CLVS2: variants seen among roughly 807,000 people sequenced by gnomAD.
CLVS2 encodes clavesin 2.
CLVS2 carries 19 observed loss-of-function variants against 29.0 expected under a neutral mutation model. The ratio of observed to expected loss-of-function variants is 0.66; its 90% CI spans 0.46 to 0.96. The LOEUF (loss-of-function observed/expected upper bound fraction) is 0.96, where lower values mean the gene tolerates loss of function less well. Ranked by LOEUF, CLVS2 falls within the 40% of genes least tolerant of loss-of-function variation. The pLI, the probability that CLVS2 is intolerant of heterozygous loss-of-function variation, is 0.00. For synonymous variants in CLVS2, 161 were observed against 151.3 expected (o/e 1.06, Z -0.47); for missense variants, 294 against 404.1 (o/e 0.73, Z 2.34).
chr6:123,057,009 G>C (rs993117175), intron 5 of CLVS2, among the ~76,000 whole-genome samples: 7 of 152,196 alleles, frequency 4.6e-5, no homozygotes, highest in African/African-American at 1.7e-4. Context: ...GGAGTTGTCA[G>C]ACATTGCACA....
intron 4 of CLVS2, among the ~76,000 whole-genome samples, chr6:123,052,901 C>T (rs1772634075): frequency 6.7e-6 from 1 of 149,468 alleles, no homozygotes; most frequent in South Asian, 2.2e-4. Flanking sequence ...GAAAAAGGGG[C>T]CTGGATTCAA....
intron 5 of CLVS2, among the ~76,000 whole-genome samples, chr6:123,057,333 T>G (rs1424679383): frequency 9.6e-6 from 1 of 104,320 alleles, no homozygotes; most frequent in Non-Finnish European, 1.9e-5. Flanking sequence ...AGGATGGTCT[T>G]CTTTTTTTTT....
At chr6:123,019,275 C>T (rs887913942) in intron 3 of CLVS2, among the ~76,000 whole-genome samples, 1 of 152,068 alleles carries the variant, frequency 6.6e-6, no homozygotes, top group Non-Finnish European at 1.5e-5. Context: ...CTCTCTTTCA[C>T]AATGATGACC....
At chr6:123,017,655 T>C (rs1774857077) in intron 3 of CLVS2, among the ~76,000 whole-genome samples, 1 of 152,106 alleles carries the variant, frequency 6.6e-6, no homozygotes, top group African/African-American at 2.4e-5. Context: ...TTCTCAGAAG[T>C]AGGACGTTGT....
At chr6:123,025,572 G>A (rs1036303664) in intron 3 of CLVS2, among the ~76,000 whole-genome samples, 2 of 152,102 alleles carry the variant, frequency 1.3e-5, no homozygotes, top group Non-Finnish European at 2.9e-5. Context: ...TTAGGACCAA[G>A]GCAGTTATAC....
intron 4 of CLVS2, among the ~76,000 whole-genome samples, chr6:123,053,490 G>A (rs375300085): frequency 3.3e-5 from 5 of 152,122 alleles, no homozygotes; most frequent in African/African-American, 7.2e-5. Flanking sequence ...CCATTGCTAC[G>A]GAGGGTTAAA....
intron 3 of CLVS2, among the ~76,000 whole-genome samples, chr6:123,040,196 C>T (rs748448662): frequency 1.3e-5 from 2 of 152,166 alleles, no homozygotes; most frequent in Admixed American, 6.5e-5. Flanking sequence ...TTTGAGATAG[C>T]CTAATCATGT....
chr6:123,036,441 C>T (rs776239416), intron 3 of CLVS2, among the ~76,000 whole-genome samples: 1 of 152,100 alleles, frequency 6.6e-6, no homozygotes, highest in South Asian at 2.1e-4. Flanking sequence ...TCAGTAAAAT[C>T]TTTGAAGCAT....
At chr6:123,035,320 A>C (rs1039090200) in intron 3 of CLVS2, among the ~76,000 whole-genome samples, 3 of 152,050 alleles carry the variant, frequency 2.0e-5, no homozygotes, top group African/African-American at 7.2e-5. Context: ...TTGGGTACAC[A>C]CATACATACC....
At chr6:123,003,870 T>C (rs985328429) in intron 2 of CLVS2, among the ~76,000 whole-genome samples, 1 of 152,232 alleles carries the variant, frequency 6.6e-6, no homozygotes, top group African/African-American at 2.4e-5. Flanking sequence ...TTATTCATTA[T>C]TCATTTCAAA....
chr6:123,063,477 T>A (rs1319329545), intron 5 of CLVS2, among the ~76,000 whole-genome samples, 197 bp from the exon 6 acceptor site: 5 of 152,056 alleles, frequency 3.3e-5, no homozygotes, highest in African/African-American at 7.2e-5. Flanking sequence ...CCAGAGGGGA[T>A]TTTTTTCCTC....
At chr6:123,060,248 T>C (rs1012474426) in intron 5 of CLVS2, among the ~76,000 whole-genome samples, 2 of 152,202 alleles carry the variant, frequency 1.3e-5, no homozygotes, top group African/African-American at 2.4e-5. Context: ...TCTTTTTGTA[T>C]TAATTTCTGG....
At chr6:123,027,895 T>C (rs1034948772) in intron 3 of CLVS2, among the ~76,000 whole-genome samples, 1 of 152,228 alleles carries the variant, frequency 6.6e-6, no homozygotes, top group Non-Finnish European at 1.5e-5. Context: ...CTGTATCTGA[T>C]GATAAATTGT....
At chr6:123,040,628 A>G (rs879213407) in intron 3 of CLVS2, among the ~76,000 whole-genome samples, 2 of 152,158 alleles carry the variant, frequency 1.3e-5, no homozygotes, top group African/African-American at 2.4e-5. Context: ...CCCTGTCTCT[A>G]CTAAAAATAC....
intron 3 of CLVS2, among the ~76,000 whole-genome samples, chr6:123,034,822 G>T (rs552332546): frequency 5.3e-5 from 8 of 151,984 alleles, no homozygotes; most frequent in Non-Finnish European, 1.0e-4. Flanking sequence ...GGGAGAAGCC[G>T]GGCAAGGGGT....
chr6:123,010,406 T>C (rs547743666), intron 2 of CLVS2, among the ~76,000 whole-genome samples: 2 of 152,080 alleles, frequency 1.3e-5, no homozygotes, highest in East Asian at 3.9e-4. Context: ...TGAATTAGGA[T>C]GGTTTGTATT....
At chr6:123,053,819 A>G (rs1772650107) in intron 4 of CLVS2, among the ~76,000 whole-genome samples, 1 of 152,108 alleles carries the variant, frequency 6.6e-6, no homozygotes, top group African/African-American at 2.4e-5. Flanking sequence ...GATGTGTGAG[A>G]GATAGGAGAG....
intron 2 of CLVS2, among the ~76,000 whole-genome samples, chr6:123,003,592 C>CG (rs1774621777): frequency 1.2e-4 from 8 of 64,016 alleles, no homozygotes; most frequent in African/African-American, 6.4e-4. Context: ...AAAAAATACA[C>CG]TTTGAGAATT....
At chr6:123,006,967 GA>G (rs1774678183) in intron 2 of CLVS2, among the ~76,000 whole-genome samples, 2 of 151,976 alleles carry the variant, frequency 1.3e-5, no homozygotes, top group South Asian at 4.2e-4. Context: ...AAAGTGGAAG[GA>G]AAAAAAGTTC....
Sources: gnomAD v4.1 joint callset for allele counts (sites outside exome capture counted in the v4.1 genomes callset) on GRCh38, gnomAD v4.1.1 for gene constraint, MANE v1.5 for transcripts, NCBI Gene and HGNC (gene_info 2026-07-23, HGNC 2026-07-21) for gene names.